The following ACTR3C variants were observed in gnomAD, a reference collection of about 807,000 sequenced individuals.
ACTR3C encodes the protein actin-related protein 3C.
Under a neutral mutation model 26.3 loss-of-function variants are expected in ACTR3C, and 18 were observed. That is an observed-to-expected ratio of 0.68 (90% CI 0.47 to 1.01). ACTR3C has a LOEUF of 1.01. Ranked by LOEUF, ACTR3C falls within the 50% of genes least tolerant of loss-of-function variation. ACTR3C has a pLI of 0.00. For synonymous variants in ACTR3C, 55 were observed against 94.5 expected, an observed-to-expected ratio of 0.58 and a Z score of 2.42; for missense variants, 184 against 250.7, an observed-to-expected ratio of 0.73 and a Z score of 1.80.
chr7:149,883,059 C>T, the ACTR3C span, among the ~76,000 whole-genome samples: 1 of 152,146 alleles, frequency 6.6e-6, no homozygotes, highest in Non-Finnish European at 1.5e-5. Context: ...GAAGGAGGTA[C>T]GACTCTAAGT....
chr7:149,889,094 A>G, the ACTR3C span, among the ~76,000 whole-genome samples: 2 of 152,158 alleles, frequency 1.3e-5, no homozygotes, highest in African/African-American at 4.8e-5. Flanking sequence ...GGAAGAAACT[A>G]TTTGTAAAGC....
chr7:149,973,187 G>C, the ACTR3C span, among the ~76,000 whole-genome samples: 1 of 152,196 alleles, frequency 6.6e-6, no homozygotes, highest in Non-Finnish European at 1.5e-5. Context: ...CCTGCACCTG[G>C]TGCTAGCCTA....
chr7:150,167,435 T>C, the ACTR3C span, among the ~76,000 whole-genome samples: 168 of 151,078 alleles, frequency 1.1e-3, 14 homozygotes, highest in African/African-American at 4.1e-3. Context: ...ATAATTCTTA[T>C]CTAAATTACA....
At chr7:150,069,805 C>T in the ACTR3C span, among the ~76,000 whole-genome samples, 1 of 149,924 alleles carries the variant, frequency 6.7e-6, no homozygotes, top group Non-Finnish European at 1.5e-5. Context: ...GTCAGGCTGG[C>T]ACGCTGGAAA....
chr7:150,200,497 A>G, the ACTR3C span, among the ~76,000 whole-genome samples: 1 of 152,226 alleles, frequency 6.6e-6, no homozygotes, highest in Non-Finnish European at 1.5e-5. Flanking sequence ...AAGACAATAT[A>G]CACGGCCAAT....
chr7:150,037,572 C>G, the ACTR3C span, among the ~76,000 whole-genome samples: 2 of 56,566 alleles, frequency 3.5e-5, 1 homozygote, highest in South Asian at 1.1e-3. Flanking sequence ...GTCCTAAGAA[C>G]CCGGGGGGGA....
chr7:149,882,698 G>T, the ACTR3C span, among the ~76,000 whole-genome samples: 78,157 of 152,100 alleles, frequency 0.51, 20,525 homozygotes, highest in Middle Eastern at 0.59. Context: ...CTTAGTTAAA[G>T]CTACGAAAAC....
the ACTR3C span, among the ~76,000 whole-genome samples, chr7:149,957,486 T>C: frequency 6.6e-6 from 1 of 152,096 alleles, no homozygotes; most frequent in South Asian, 2.1e-4. Context: ...CTCCTTCCCA[T>C]TCTCCTGGAG....
intron 6 of ACTR3C, among the ~76,000 whole-genome samples, chr7:150,255,721 T>C (rs1833172798): frequency 6.6e-6 from 1 of 152,190 alleles, no homozygotes; most frequent in South Asian, 2.1e-4. Context: ...ATTTTCACCT[T>C]ATAGTATAAT....
chr7:150,178,280 C>CTTT, the ACTR3C span, among the ~76,000 whole-genome samples: 3 of 125,072 alleles, frequency 2.4e-5, no homozygotes, highest in Admixed American at 7.8e-5. Flanking sequence ...AACAGGAATA[C>CTTT]TTTTTTTTTT....
chr7:150,013,571 G>C, the ACTR3C span, among the ~76,000 whole-genome samples: 2 of 152,326 alleles, frequency 1.3e-5, no homozygotes, highest in African/African-American at 4.8e-5. Flanking sequence ...ATGGAACCTG[G>C]GATTGGCCGT....
chr7:149,925,779 C>T, the ACTR3C span, among the ~76,000 whole-genome samples: 3 of 151,842 alleles, frequency 2.0e-5, no homozygotes, highest in Admixed American at 1.3e-4. Flanking sequence ...AAAAACCTAC[C>T]AGCTGGGCAC....
At chr7:149,948,231 C>T in the ACTR3C span, among the ~76,000 whole-genome samples, 1 of 112,392 alleles carries the variant, frequency 8.9e-6, no homozygotes, top group Admixed American at 8.9e-5. Context: ...AATATCACTG[C>T]TTCAGAAAAT....
intron 1 of ACTR3C, among the ~76,000 whole-genome samples, chr7:150,303,200 C>CTCCTTACAA (rs1795562974): frequency 6.6e-6 from 1 of 152,226 alleles, no homozygotes; most frequent in South Asian, 2.1e-4. Flanking sequence ...GCCAGGAAAG[C>CTCCTTACAA]TCCTTACAAA....
At chr7:150,135,382 T>C in the ACTR3C span, among the ~76,000 whole-genome samples, 1 of 152,250 alleles carries the variant, frequency 6.6e-6, no homozygotes, top group Non-Finnish European at 1.5e-5. Context: ...GTGTAGGATA[T>C]CACTGCAGGG....
chr7:150,035,258 G>GA, the ACTR3C span, among the ~76,000 whole-genome samples: 1 of 88,602 alleles, frequency 1.1e-5, no homozygotes, highest in Non-Finnish European at 2.6e-5. Flanking sequence ...GGGAACCAGG[G>GA]GCTGGCTCTC....
the ACTR3C span, among the ~76,000 whole-genome samples, chr7:150,068,251 G>A: frequency 2.2e-4 from 33 of 152,184 alleles, no homozygotes; most frequent in African/African-American, 7.2e-4. Flanking sequence ...TGCTCCCAAC[G>A]GTATACAAGG....
the ACTR3C span, among the ~76,000 whole-genome samples, chr7:150,092,842 C>T: frequency 5.3e-4 from 80 of 151,270 alleles, 3 homozygotes; most frequent in African/African-American, 1.9e-3. Context: ...TGAAGGATCC[C>T]GAGGTGTGTG....
the ACTR3C span, among the ~76,000 whole-genome samples, chr7:150,097,691 A>C: frequency 9.9e-5 from 15 of 151,338 alleles, no homozygotes; most frequent in African/African-American, 3.4e-4. Flanking sequence ...TTTAGCCTGA[A>C]CTCAAGGCTC....
Sources: gnomAD v4.1 joint callset for allele counts (sites outside exome capture counted in the v4.1 genomes callset) on GRCh38, gnomAD v4.1.1 for gene constraint, MANE v1.5 for transcripts, NCBI Gene and HGNC (gene_info 2026-07-23, HGNC 2026-07-21) for gene names.